Variants in JAZF1 observed in about 807,000 individuals in gnomAD.
JAZF1 encodes JAZF zinc finger 1.
JAZF1 carries 8 observed loss-of-function variants against 26.4 expected under a neutral mutation model. The observed-to-expected ratio is 0.30, with a 90% CI of 0.18 to 0.55. JAZF1 has a LOEUF of 0.55. Ranked by LOEUF, JAZF1 falls within the 20% of genes least tolerant of loss-of-function variation. JAZF1 has a pLI of 0.94. For synonymous variants in JAZF1, 126 were observed against 122.3 expected, an observed-to-expected ratio of 1.03 and a Z score of -0.20; for missense variants, 199 against 322.0, an observed-to-expected ratio of 0.62 and a Z score of 2.92.
intron 1 of JAZF1, among the ~76,000 whole-genome samples, chr7:27,998,644 C>T (rs554934895): frequency 2.4e-4 from 37 of 152,294 alleles, no homozygotes; most frequent in East Asian, 2.3e-3. Context: ...AATCCAGATG[C>T]GGTTAAGTGT....
chr7:27,883,154 G>A (rs1783799983), intron 3 of JAZF1, among the ~76,000 whole-genome samples: 1 of 152,126 alleles, frequency 6.6e-6, no homozygotes, highest in African/African-American at 2.4e-5. Flanking sequence ...GGGGAGACAG[G>A]GTGTGAACAG....
At chr7:27,913,234 TAC>T (rs1420858528) in intron 2 of JAZF1, among the ~76,000 whole-genome samples, 1 of 149,294 alleles carries the variant, frequency 6.7e-6, no homozygotes, top group African/African-American at 2.4e-5. Context: ...TATATGTATA[TAC>T]ATAGATATTT....
chr7:28,154,131 C>A (rs1783146971), intron 1 of JAZF1, among the ~76,000 whole-genome samples: 1 of 152,184 alleles, frequency 6.6e-6, no homozygotes, highest in East Asian at 1.9e-4. Context: ...CCTTGACTGA[C>A]CCCCTCCCAT....
At chr7:28,142,293 C>G (rs556535082) in intron 1 of JAZF1, among the ~76,000 whole-genome samples, 62 of 152,258 alleles carry the variant, frequency 4.1e-4, no homozygotes, top group Admixed American at 1.1e-3. Flanking sequence ...TACCACCCCC[C>G]ACCAACAGAC....
At chr7:27,901,494 T>C (rs1583455249) in intron 2 of JAZF1, among the ~76,000 whole-genome samples, 2 of 152,310 alleles carry the variant, frequency 1.3e-5, no homozygotes, top group Non-Finnish European at 2.9e-5. Context: ...GAGACTCCAT[T>C]GCCACCTCAC....
intron 1 of JAZF1, among the ~76,000 whole-genome samples, chr7:28,000,981 T>C (rs1412988923): frequency 1.3e-5 from 2 of 152,188 alleles, no homozygotes; most frequent in African/African-American, 4.8e-5. Flanking sequence ...ATTGAATTCT[T>C]GCCATGTTTA....
chr7:27,996,106 T>G (rs1262873481), intron 1 of JAZF1, among the ~76,000 whole-genome samples: 1 of 152,204 alleles, frequency 6.6e-6, no homozygotes, highest in Non-Finnish European at 1.5e-5. Flanking sequence ...AGTGCTCTTG[T>G]CAAGTCTAAA....
intron 4 of JAZF1, among the ~76,000 whole-genome samples, chr7:27,839,528 G>C (rs1429254277): frequency 6.6e-6 from 1 of 152,192 alleles, no homozygotes; most frequent in Admixed American, 6.5e-5. Flanking sequence ...CTCTGACACA[G>C]AATGTACAGA....
intron 1 of JAZF1, among the ~76,000 whole-genome samples, chr7:28,101,950 G>A (rs1346249334): frequency 6.6e-6 from 1 of 152,108 alleles, no homozygotes; most frequent in African/African-American, 2.4e-5. Context: ...ACAGCTAGAG[G>A]GATAAAATGC....
At chr7:27,869,685 A>G (rs537642577) in intron 3 of JAZF1, among the ~76,000 whole-genome samples, 58 of 152,268 alleles carry the variant, frequency 3.8e-4, no homozygotes, top group Non-Finnish European at 7.4e-4. Context: ...TGCCACTCGT[A>G]ATGTGCAGTA....
chr7:27,953,966 G>GA lies in JAZF1; in HGVS notation c.188+37942dup, dbSNP rs1785048415. Among the ~76,000 whole-genome samples, 5 of 152,178 alleles carry GA rather than the reference G, an allele frequency of 3.3e-5. No individual in the cohort carries two copies. The South Asian group carries it at 1.0e-3, about 32-fold the overall frequency. On this transcript the variant is annotated intron_variant, in intron 2 of 4. Coordinates refer to ENST00000283928, the MANE Select transcript of JAZF1 (RefSeq NM_175061.4). ...AGATGAAGGCATACATCCTGAGCTA[G>GA]ATGACATGACCCACTGGGCTTCCAA...
intron 2 of JAZF1, among the ~76,000 whole-genome samples, chr7:27,960,012 G>A (rs1785163126): frequency 6.6e-6 from 1 of 152,110 alleles, no homozygotes; most frequent in Non-Finnish European, 1.5e-5. Context: ...ACGTACTGGG[G>A]GTCTAAAATG....
intron 1 of JAZF1, among the ~76,000 whole-genome samples, chr7:28,170,994 A>G (rs1783461103): frequency 6.6e-6 from 1 of 152,210 alleles, no homozygotes; most frequent in Non-Finnish European, 1.5e-5. Context: ...AGGAAAATCA[A>G]TCTCGGGATC....
chr7:28,089,949 A>G (rs1784268148), intron 1 of JAZF1, among the ~76,000 whole-genome samples: 1 of 152,190 alleles, frequency 6.6e-6, no homozygotes, highest in South Asian at 2.1e-4. Flanking sequence ...TGTGAGGGAA[A>G]CAAGAAACTC....
intron 1 of JAZF1, among the ~76,000 whole-genome samples, chr7:28,086,918 AG>A (rs1317107573): frequency 4.6e-5 from 7 of 152,204 alleles, no homozygotes; most frequent in African/African-American, 1.7e-4. Flanking sequence ...TAGTATTATA[AG>A]GGTGATGTAC....
At chr7:27,908,540 T>C (rs73685854) in intron 2 of JAZF1, among the ~76,000 whole-genome samples, 8,914 of 152,242 alleles carry the variant, frequency 0.059, 579 homozygotes, top group African/African-American at 0.16. Context: ...GGACGGTCAC[T>C]GATTTGGACT....
At chr7:27,913,406 G>A in intron 2 of JAZF1, 1 of 460,274 alleles carries the variant, frequency 2.2e-6, no homozygotes, top group Non-Finnish European at 4.5e-6. Flanking sequence ...TGGACAAGTA[G>A]GACAGCGAGA....
chr7:28,009,241 CAA>C (rs35774047), intron 1 of JAZF1, among the ~76,000 whole-genome samples: 14 of 143,616 alleles, frequency 9.7e-5, no homozygotes, highest in East Asian at 2.0e-4. Flanking sequence ...AACATACTTT[CAA>C]AAAAAAAAAA....
chr7:28,066,101 C>T (rs965806851), intron 1 of JAZF1, among the ~76,000 whole-genome samples: 1 of 152,114 alleles, frequency 6.6e-6, no homozygotes, highest in Non-Finnish European at 1.5e-5. Context: ...AAGGAAATCA[C>T]CCCCAGGCAG....
Sources: allele counts gnomAD v4.1 joint callset (sites outside exome capture counted in the v4.1 genomes callset), GRCh38; gene constraint gnomAD v4.1.1; transcripts MANE v1.5; gene names NCBI Gene and HGNC (gene_info 2026-07-23, HGNC 2026-07-21).